DTX1: variants seen among roughly 807,000 people sequenced by gnomAD.
DTX1 encodes the protein deltex E3 ubiquitin ligase 1.
A neutral mutation model predicts 57.8 loss-of-function variants in DTX1; 26 were observed. That is an observed-to-expected ratio of 0.45 (90% CI 0.33 to 0.62). The LOEUF (loss-of-function observed/expected upper bound fraction) is 0.62. Among genes scored for constraint, DTX1 ranks in the 20% least tolerant of loss-of-function variants. The probability of loss-of-function intolerance (pLI) is 0.02; values close to 1 mark genes in which losing one functional copy is unlikely to be tolerated. For synonymous variants in DTX1, 398 were observed against 394.1 expected (o/e 1.01, Z -0.12); for missense variants, 704 against 895.3 (o/e 0.79, Z 2.73).
In DTX1 at chr12:113,058,385, G is replaced by T; in HGVS notation, c.193G>T (p.Val65Leu). 1.2e-6 allele frequency: 2 copies of T among 1,610,086 alleles called. No homozygotes were observed. The highest frequency in any genetic ancestry group is 8.5e-7 in the Non-Finnish European group (1 of 1,179,978). ...DARGSVVLGQ[V>L]DAQLVPYIID... ...TCGCGGTTCCGTGGTCCTGGGGCAG[G>T]TGGACGCCCAGCTTGTGCCCTACAT... The change falls in exon 2 of 10, where the codon GTG becomes TTG. Residue 65 changes from valine to leucine, a missense_variant. Val to Leu is a conservative substitution (Grantham distance 32). Around this residue, in one of 3 missense-constraint regions of DTX1, gnomAD observed 237 missense variants for 328.6 expected, o/e 0.72. Transcript: ENST00000548759.
chr12:113,063,780 T>C (rs1308412547), intron 2 of DTX1, among the ~76,000 whole-genome samples: 1 of 152,192 alleles, frequency 6.6e-6, no homozygotes, highest in Non-Finnish European at 1.5e-5. Flanking sequence ...GAGGAAGCAC[T>C]ATCTGAGGAC....
chr12:113,057,921 G>A lies in DTX1; in HGVS notation c.-272G>A, dbSNP rs1359815014. 3.8e-6 allele frequency: 2 copies of A among 521,576 alleles called. No individual in the cohort carries two copies. Among genetic ancestry groups the A allele is most frequent in the African/African-American group, 1.9e-5 (1 of 52,540 alleles). 32.3% of individuals were successfully genotyped at this position (521,576 alleles called of 1,614,324 possible). ...CGAGGGGGCCAAGGACTTTAGAGCT[G>A]TTTCCTCCGGCATAAGAGAGACACT... On this transcript the variant is annotated 5_prime_UTR_variant, in exon 2 of 10. Coordinates refer to ENST00000548759, the MANE Select transcript of DTX1 (RefSeq NM_004416.3).
intron 2 of DTX1, among the ~76,000 whole-genome samples, chr12:113,075,525 G>T (rs750989261): frequency 3.9e-5 from 6 of 152,250 alleles, no homozygotes; most frequent in Non-Finnish European, 5.9e-5. Context: ...AAGACACAGA[G>T]CAGGCTAAAG....
chr12:113,068,714 G>C (rs1328812519), intron 2 of DTX1, among the ~76,000 whole-genome samples: 1 of 152,200 alleles, frequency 6.6e-6, no homozygotes, highest in Non-Finnish European at 1.5e-5. Flanking sequence ...GCAGAGGAGT[G>C]ACACAGTCCA....
chr12:113,062,664 G>A (rs536721572), intron 2 of DTX1, among the ~76,000 whole-genome samples: 2 of 152,262 alleles, frequency 1.3e-5, no homozygotes, highest in Admixed American at 6.5e-5. Context: ...GTGCGTGTGC[G>A]TACACACACA....
intron 2 of DTX1, among the ~76,000 whole-genome samples, chr12:113,062,732 G>A (rs577044775): frequency 8.5e-5 from 13 of 152,348 alleles, no homozygotes; most frequent in African/African-American, 2.6e-4. Context: ...TGTGCCTCCC[G>A]TGCAGTGCAG....
chr12:113,065,332 G>A (rs1049188005), intron 2 of DTX1, among the ~76,000 whole-genome samples: 17 of 152,192 alleles, frequency 1.1e-4, no homozygotes, highest in African/African-American at 4.1e-4. Flanking sequence ...ACGCTGAGAA[G>A]AGACGGGTCT....
chr12:113,091,676 T>G (rs1474245832), intron 3 of DTX1, among the ~76,000 whole-genome samples: 1 of 139,250 alleles, frequency 7.2e-6, no homozygotes, highest in Admixed American at 7.2e-5. Flanking sequence ...AAGGGCACCA[T>G]TTGCTTGAAG....
Position 113,093,899 on chromosome 12 carries a change from T to C in DTX1, c.1166-139T>C, listed in dbSNP as rs567022847. ...TCCAGCAACCCCTGACCTCTGACCCTGGCCAACCCTTGCCAGCCTGACCCC... is the reference window on the plus strand; with the variant it reads ...TCCAGCAACCCCTGACCTCTGACCCCGGCCAACCCTTGCCAGCCTGACCCC... On this transcript the variant is annotated intron_variant, in intron 5 of 9. Coordinates refer to ENST00000548759, the MANE Select transcript of DTX1 (RefSeq NM_004416.3). The surrounding 1 kb of genome is among the most constrained non-coding windows in gnomAD (Gnocchi z 4.2). 16 of 1,428,734 alleles carry C rather than the reference T, an allele frequency of 1.1e-5. No homozygotes were observed. The African/African-American group carries it at 1.7e-4, about 15-fold the overall frequency. 88.5% of individuals were successfully genotyped at this position (1,428,734 alleles called of 1,614,324 possible). A position where few individuals can be genotyped will look rare whatever the true frequency, so the allele number is the denominator to read the frequency against.
rs1288109017 is a variant in DTX1 at position 113,097,594 on chromosome 12, C to T, written c.*655C>T. 6.6e-6 allele frequency: 1 copy of T among 152,390 alleles called. No homozygotes were observed. The highest frequency in any genetic ancestry group is 1.5e-5 in the Non-Finnish European group (1 of 68,186). The allele number at this position is 152,390 out of a possible 1,614,324, so 9.4% of individuals were successfully genotyped here. ...AGAGGGTCCTGATTTTGTGTCTGTG[C>T]CTCTTCATCTCTCTGGACTCTGATC... is the stretch of plus-strand genomic sequence containing the variant. On this transcript the variant is annotated 3_prime_UTR_variant, in exon 10 of 10. Transcript: ENST00000548759.
intron 2 of DTX1, among the ~76,000 whole-genome samples, chr12:113,068,947 CA>C (rs997069778): frequency 6.6e-5 from 10 of 152,298 alleles, no homozygotes; most frequent in African/African-American, 2.2e-4. Flanking sequence ...GGACTTCAGG[CA>C]AATTGCTTCA....
chr12:113,090,734 C>T (rs985129835), intron 3 of DTX1, among the ~76,000 whole-genome samples: 6 of 152,168 alleles, frequency 3.9e-5, no homozygotes, highest in African/African-American at 4.8e-5. Context: ...GTCCTGGCCA[C>T]GTGATACTAT....
At chr12:113,057,313 G>A (rs905841701) in intron 1 of DTX1, 136 bp from the exon 2 acceptor site, 2 of 152,284 alleles carry the variant, frequency 1.3e-5, no homozygotes, top group East Asian at 1.9e-4. Context: ...GAAAGCGGGC[G>A]GGGCGACCCC....
At chr12:113,066,767 G>A (rs2044706283) in intron 2 of DTX1, among the ~76,000 whole-genome samples, 1 of 152,136 alleles carries the variant, frequency 6.6e-6, no homozygotes, top group South Asian at 2.1e-4. Context: ...AGACACAGAA[G>A]CCCTCAAGGT....
At position 113,057,873 on chromosome 12, in the gene DTX1, C is replaced by A; in HGVS notation, c.-320C>A. 8.7e-6 allele frequency: 3 copies of A among 344,546 alleles called. No homozygotes were observed. Among genetic ancestry groups the A allele is most frequent in the South Asian group, 5.3e-5 (1 of 18,912 alleles). The allele number at this position is 344,546 out of a possible 1,614,324, so 21.3% of individuals were successfully genotyped here. On this transcript the variant is annotated 5_prime_UTR_variant, in exon 2 of 10. Coordinates refer to ENST00000548759, the MANE Select transcript of DTX1 (RefSeq NM_004416.3). The stretch of plus-strand genomic sequence containing the variant: ...GCTGGACCTCGAACAGGGGCGGCTG[C>A]CTCACTCCCTACCTGAGCCAGCCGA...
chr12:113,061,953 G>A (rs1002863849), intron 2 of DTX1, among the ~76,000 whole-genome samples: 10 of 151,900 alleles, frequency 6.6e-5, no homozygotes, highest in African/African-American at 1.7e-4. Context: ...TGAGCCGCCC[G>A]CCTCGGCCTC....
rs1950264996 is a variant in DTX1 at position 113,093,814 on chromosome 12, C to T, written c.1165+114C>T. On this transcript the variant is annotated intron_variant, in intron 5 of 9. Coordinates refer to ENST00000548759, the MANE Select transcript of DTX1 (RefSeq NM_004416.3). The surrounding 1 kb of genome is among the most constrained non-coding windows in gnomAD (Gnocchi z 4.2). ...AGCATTTACTACCTCACCTCCATTG[C>T]CTGATCTCAGCTCCCCTTGCCCTGG... The T allele has an allele frequency of 6.7e-7, 1 of 1,491,562 alleles. No individual in the cohort carries two copies. The highest frequency in any genetic ancestry group is 1.3e-5 in the South Asian group (1 of 77,954). The allele number at this position is 1,491,562 out of a possible 1,614,324, so 92.4% of individuals were successfully genotyped here.
intron 3 of DTX1, among the ~76,000 whole-genome samples, chr12:113,090,572 GT>G (rs1950240826): frequency 6.6e-6 from 1 of 152,164 alleles, no homozygotes; most frequent in South Asian, 2.1e-4. Flanking sequence ...CACTGACCAG[GT>G]CCTGGGGGAC....
intron 3 of DTX1, among the ~76,000 whole-genome samples, chr12:113,083,250 A>G (rs753742097): frequency 1.3e-5 from 2 of 152,198 alleles, no homozygotes; most frequent in Non-Finnish European, 2.9e-5. Flanking sequence ...CCTGAGGCTT[A>G]AGGTTTCAAC....
Sources: gnomAD v4.1 joint callset for allele counts (sites outside exome capture counted in the v4.1 genomes callset) on GRCh38, gnomAD v4.1.1 for gene constraint, gnomAD v4.1.1 regional missense constraint, Gnocchi (gnomAD v3.1) non-coding constraint, MANE v1.5 for transcripts, NCBI Gene and HGNC (gene_info 2026-07-23, HGNC 2026-07-21) for gene names.